SEPTIN2: variants seen among roughly 807,000 people sequenced by gnomAD.
The protein encoded by SEPTIN2 is septin 2.
In SEPTIN2, 34 loss-of-function variants were observed where a neutral mutation model predicts 46.5. The ratio of observed to expected loss-of-function variants is 0.73; its 90% CI spans 0.56 to 0.97. The LOEUF (loss-of-function observed/expected upper bound fraction) is 0.97, where lower values mean the gene tolerates loss of function less well. Among genes scored for constraint, SEPTIN2 ranks in the 50% least tolerant of loss-of-function variants. The probability of loss-of-function intolerance (pLI) is 0.00; values close to 1 mark genes in which losing one functional copy is unlikely to be tolerated. For synonymous variants in SEPTIN2, 175 were observed against 153.4 expected (o/e 1.14, Z -1.04); for missense variants, 347 against 448.4 (o/e 0.77, Z 2.04).
chr2:241,350,755 T>C (rs1053529568), intron 12 of SEPTIN2, among the ~76,000 whole-genome samples: 1 of 152,110 alleles, frequency 6.6e-6, no homozygotes, highest in African/African-American at 2.4e-5. Flanking sequence ...TGGCATGGTG[T>C]ATGCTGGTCT....
chr2:241,332,949 C>T (rs567423045), intron 3 of SEPTIN2, among the ~76,000 whole-genome samples: 1 of 152,254 alleles, frequency 6.6e-6, no homozygotes, highest in South Asian at 2.1e-4. Flanking sequence ...TTGGTGTTTG[C>T]CTGCGGTGGG....
chr2:241,334,328 G>T (rs1405486999), intron 3 of SEPTIN2, among the ~76,000 whole-genome samples: 1 of 152,208 alleles, frequency 6.6e-6, no homozygotes, highest in African/African-American at 2.4e-5. Flanking sequence ...ATGATCATCT[G>T]CAATGAAGCA....
chr2:241,325,806 T>G (rs775021331), intron 2 of SEPTIN2, among the ~76,000 whole-genome samples, 187 bp from the exon 3 acceptor site: 4 of 152,158 alleles, frequency 2.6e-5, no homozygotes, highest in Admixed American at 1.3e-4. Flanking sequence ...TAAGTTTTTC[T>G]TTTTTTAATG....
intron 7 of SEPTIN2, among the ~76,000 whole-genome samples, chr2:241,341,134 C>T (rs192610695): frequency 1.4e-3 from 210 of 152,272 alleles, no homozygotes; most frequent in Non-Finnish European, 2.3e-3. Flanking sequence ...CTTCCTGATC[C>T]CTGAAGGTCA....
chr2:241,328,301 G>A lies in SEPTIN2; in HGVS notation c.130+2188G>A, dbSNP rs147767680. 6.1e-4 allele frequency among the ~76,000 whole-genome samples: 93 copies of A among 152,174 alleles called. 1 individual carries two copies. Among genetic ancestry groups the A allele is most frequent in the Middle Eastern group, 3.4e-3 (1 of 294 alleles). ...AATACAAAAACCTGGGCGTGGTGGT[G>A]CATGCCTGTGACCCAGCTACTTGGG... is the stretch of plus-strand genomic sequence containing the variant. On this transcript the variant is annotated intron_variant, in intron 3 of 12. Transcript: ENST00000391971.
chr2:241,338,702 T>TATTATTTATATAATATATTATATATA lies in SEPTIN2; in HGVS notation c.594+912_594+913insATTATTTATATAATATATTATATATA, dbSNP rs1244334408. ...TATTACATATGTAATATATATTATA[T>TATTATTTATATAATATATTATATATA]TTATATTATTTATATAATATATTAT... On this transcript the variant is annotated intron_variant, in intron 7 of 12. Coordinates refer to ENST00000391971, the MANE Select transcript of SEPTIN2 (RefSeq NM_004404.5). Among the ~76,000 whole-genome samples, 158 of 107,014 alleles carry TATTATTTATATAATATATTATATATA rather than the reference T, an allele frequency of 1.5e-3. 1 individual carries two copies. The highest frequency in any genetic ancestry group is 2.4e-3 in the Non-Finnish European group (133 of 55,286). 70.2% of individuals were successfully genotyped at this position (107,014 alleles called of 152,430 possible).
Position 241,343,866 on chromosome 2 carries a change from A to G in SEPTIN2, c.811A>G (p.Asn271Asp). The change falls in exon 9 of 13, where the codon AAT becomes GAT. Residue 271 changes from asparagine to aspartate, a missense_variant. Transcript: ENST00000391971. Reference protein sequence around the residue: ...GVVEVENPEHNDFLKLRTMLI... With the variant: ...GVVEVENPEHDDFLKLRTMLI... ...TGTGGAAGTGGAGAACCCAGAGCAC[A>G]ATGACTTTCTGAAGCTGAGAACCAT... is the stretch of plus-strand genomic sequence containing the variant. The G allele has an allele frequency of 6.2e-7, 1 of 1,614,192 alleles. No homozygotes were observed. The highest frequency in any genetic ancestry group is 8.5e-7 in the Non-Finnish European group (1 of 1,180,012).
intron 1 of SEPTIN2, chr2:241,318,097 A>G (rs2076632787): frequency 6.6e-6 from 1 of 151,822 alleles, no homozygotes; most frequent in African/African-American, 2.4e-5. Context: ...GAGAGAAAAC[A>G]TTGTGGATCC....
chr2:241,338,894 T>TATATATAATATATA (rs1559644194), intron 7 of SEPTIN2, among the ~76,000 whole-genome samples: 13 of 79,888 alleles, frequency 1.6e-4, no homozygotes, highest in African/African-American at 6.9e-4. Context: ...TAATATATAT[T>TATATATAATATATA]ATATATATTA....
intron 3 of SEPTIN2, among the ~76,000 whole-genome samples, chr2:241,330,389 C>G (rs540794069): frequency 6.6e-6 from 1 of 152,278 alleles, no homozygotes; most frequent in South Asian, 2.1e-4. Flanking sequence ...CATAGAAGCC[C>G]TGAGGTTGGT....
intron 7 of SEPTIN2, among the ~76,000 whole-genome samples, chr2:241,339,320 G>A (rs761313640): frequency 2.9e-4 from 43 of 150,736 alleles, no homozygotes; most frequent in Non-Finnish European, 5.6e-4. Context: ...TTCAACCCAG[G>A]AGGCAGAGGT....
chr2:241,335,275 A>C, intron 4 of SEPTIN2, 63 bp downstream of exon 4: 6 of 1,587,058 alleles, frequency 3.8e-6, no homozygotes, highest in Non-Finnish European at 5.2e-6. Flanking sequence ...AGACTGCCTA[A>C]TTAATATTTT....
chr2:241,319,755 C>G (rs935302048), intron 1 of SEPTIN2, among the ~76,000 whole-genome samples: 19 of 152,152 alleles, frequency 1.2e-4, no homozygotes, highest in African/African-American at 4.1e-4. Context: ...CCACACCCAG[C>G]TAATTTTTTT....
chr2:241,335,759 T>A (rs1198670778), intron 4 of SEPTIN2: 3 of 597,604 alleles, frequency 5.0e-6, no homozygotes, highest in Non-Finnish European at 5.9e-6. Context: ...ATTTTTAACA[T>A]TTGTGTTTTT....
intron 1 of SEPTIN2, among the ~76,000 whole-genome samples, chr2:241,318,767 C>A (rs2076736325): frequency 6.8e-6 from 1 of 147,280 alleles, no homozygotes; most frequent in Non-Finnish European, 1.5e-5. Flanking sequence ...GTGGTGCGAT[C>A]TCAGCTCACT....
chr2:241,348,072 T>G (rs12619647), intron 10 of SEPTIN2, 62 bp from the exon 11 acceptor site: 406,941 of 1,240,374 alleles, frequency 0.33, 73,392 homozygotes, highest in East Asian at 0.66. Flanking sequence ...TAGAATTTTT[T>G]GGGGGGGTAG....
At position 241,337,444 on chromosome 2, in the gene SEPTIN2, G is replaced by T; in HGVS notation, c.404G>T (p.Gly135Val). Residue 135 changes from glycine to valine, a missense_variant, in exon 6 of 13, where the codon GGC becomes GTC. Physicochemically the swap from Gly to Val is moderately radical, Grantham distance 109. Transcript: ENST00000391971. ...QFERYLHDES[G>V]LNRRHIIDNR... ...GAGAGGTACCTGCATGACGAGAGCG[G>T]CTTGAACAGGCGGCACATCATTGAT... The T allele has an allele frequency of 6.2e-7, 1 of 1,614,038 alleles. No individual in the cohort carries two copies. Among genetic ancestry groups the T allele is most frequent in the African/African-American group, 1.3e-5 (1 of 75,008 alleles).
chr2:241,336,744 C>G (rs188488232), intron 5 of SEPTIN2: 2 of 170,880 alleles, frequency 1.2e-5, no homozygotes, highest in Admixed American at 1.3e-4. Flanking sequence ...TGTTCTTGAC[C>G]CATGTTCTCT....
At chr2:241,326,467 T>C (rs1284405596) in intron 3 of SEPTIN2, among the ~76,000 whole-genome samples, 2 of 147,414 alleles carry the variant, frequency 1.4e-5, no homozygotes, top group African/African-American at 2.5e-5. Context: ...GAAAGTGTTG[T>C]CATTTTCTAA....
Sources: allele counts gnomAD v4.1 joint callset (sites outside exome capture counted in the v4.1 genomes callset), GRCh38; gene constraint gnomAD v4.1.1; transcripts MANE v1.5; gene names NCBI Gene and HGNC (gene_info 2026-07-23, HGNC 2026-07-21).